The following PYGB variants were observed in gnomAD, a reference collection of about 807,000 sequenced individuals.
The protein encoded by PYGB is glycogen phosphorylase, brain form.
In PYGB, 82 loss-of-function variants were observed where a neutral mutation model predicts 94.3. The ratio of observed to expected loss-of-function variants is 0.87; its 90% CI spans 0.73 to 1.04. The LOEUF (loss-of-function observed/expected upper bound fraction) is 1.04, where lower values mean the gene tolerates loss of function less well. Ranked by LOEUF, PYGB falls within the 50% of genes least tolerant of loss-of-function variation. The pLI, the probability that PYGB is intolerant of heterozygous loss-of-function variation, is 0.00. For missense variants in PYGB, 1,132 were observed against 1,158.2 expected (o/e 0.98, Z 0.33); for synonymous variants, 488 against 479.1 (o/e 1.02, Z -0.24).
At chr20:25,259,168 G>C in intron 1 of PYGB, 69 bp from the exon 2 acceptor site, 1 of 1,352,430 alleles carries the variant, frequency 7.4e-7, no homozygotes, top group Non-Finnish European at 1.0e-6. Flanking sequence ...CATGGGTCGT[G>C]TCATCTCTGT....
At chr20:25,290,700 ATCC>A in intron 16 of PYGB, 78 bp downstream of exon 16, 1 of 1,548,482 alleles carries the variant, frequency 6.5e-7, no homozygotes, top group Non-Finnish European at 8.9e-7. Context: ...CGGGCCTTTC[ATCC>A]TCAGCCAGTT....
At chr20:25,282,632 A>G (rs1293871750) in intron 12 of PYGB, among the ~76,000 whole-genome samples, 1 of 152,310 alleles carries the variant, frequency 6.6e-6, no homozygotes, top group East Asian at 1.9e-4. Context: ...AGAGGGAATG[A>G]AGAGAGAGTG....
Position 25,277,332 on chromosome 20 carries a change from T to C in PYGB, c.855+6T>C. 1.3e-6 allele frequency: 2 copies of C among 1,552,014 alleles called. No individual in the cohort carries two copies. The highest frequency in any genetic ancestry group is 1.8e-6 in the Non-Finnish European group (2 of 1,123,722). ...TCCTGTATCCAAATGATAACGTGAG[T>C]AGCTGGCCTGGGCACTCTTGCTCAG... On this transcript the variant is annotated splice_donor_region_variant and intron_variant, in intron 7 of 19. Coordinates refer to ENST00000216962, the MANE Select transcript of PYGB (RefSeq NM_002862.4).
At chr20:25,271,102 G>A (rs1377210936) in intron 3 of PYGB, among the ~76,000 whole-genome samples, 1 of 152,150 alleles carries the variant, frequency 6.6e-6, no homozygotes, top group Non-Finnish European at 1.5e-5. Flanking sequence ...GGGGCAGTGG[G>A]GGGCTTCGTG....
At position 25,296,267 on chromosome 20, in the gene PYGB, C is replaced by T. The variant is rs112184159; in HGVS notation, c.2380-103C>T. On this transcript the variant is annotated intron_variant, in intron 19 of 19. Transcript: ENST00000216962. The stretch of plus-strand genomic sequence containing the variant: ...CCTCTTCCAGCGGATGGCCCCAAGG[C>T]TCGGAGCTCATTTGGAAACAGTCCT... The T allele has an allele frequency of 2.5e-4, 356 of 1,425,142 alleles. 1 individual carries two copies. The African/African-American group carries it at 4.3e-3, about 17-fold the overall frequency. The allele number at this position is 1,425,142 out of a possible 1,614,324, so 88.3% of individuals were successfully genotyped here. A position where few individuals can be genotyped will look rare whatever the true frequency, so the allele number is the denominator to read the frequency against.
At chr20:25,273,847 A>G (rs2088287558) in intron 4 of PYGB, among the ~76,000 whole-genome samples, 1 of 151,920 alleles carries the variant, frequency 6.6e-6, no homozygotes, top group Admixed American at 6.6e-5. Flanking sequence ...TTTTAATTTT[A>G]ATTTAATAAT....
chr20:25,274,602 C>G lies in PYGB; in HGVS notation c.539C>G (p.Ala180Gly), dbSNP rs2088294062. Residue 180 changes from alanine (A) to glycine (G), a missense_variant, in exon 5 of 20, where the codon GCC becomes GGC. By Grantham distance (60) the Ala-to-Gly change is moderately conservative. Coordinates refer to ENST00000216962, the MANE Select transcript of PYGB (RefSeq NM_002862.4). ...CTGGCTTCTTTCCAGGTAGAGGAGG[C>G]CGATGACTGGCTGCGCTACGGCAAC... is the stretch of plus-strand genomic sequence containing the variant. ...KIVNGWQVEE[A>G]DDWLRYGNPW... 1 of 1,613,046 alleles carries G rather than the reference C, an allele frequency of 6.2e-7. No individual in the cohort carries two copies. The highest frequency in any genetic ancestry group is 1.3e-5 in the African/African-American group (1 of 74,914).
At chr20:25,250,991 TA>T (rs2092886245) in intron 1 of PYGB, 1 of 152,232 alleles carries the variant, frequency 6.6e-6, no homozygotes, top group Non-Finnish European at 1.5e-5. Context: ...ATACATAAAA[TA>T]ACATTATACT....
chr20:25,276,672 C>G lies in PYGB; in HGVS notation c.687C>G (p.Thr229=). 1 of 1,613,852 alleles carries G rather than the reference C, an allele frequency of 6.2e-7. No homozygotes were observed. The highest frequency in any genetic ancestry group is 1.1e-5 in the South Asian group (1 of 91,090). The stretch of plus-strand genomic sequence containing the variant: ...TGGTGCTGGCCATGCCCTACGACAC[C>G]CCAGTGCCCGGCTACAAGAACAACA... ...TQVVLAMPYD[T]PVPGYKNNTV... is the part of the protein sequence containing the mutation. The change falls in exon 6 of 20, where the codon ACC becomes ACG. Residue 229 remains threonine, a synonymous_variant. Transcript: ENST00000216962.
At chr20:25,295,455 T>G in intron 18 of PYGB, 149 bp from the exon 19 acceptor site, 3 of 826,146 alleles carry the variant, frequency 3.6e-6, no homozygotes, top group Non-Finnish European at 6.0e-6. Context: ...TGGTGCAGCC[T>G]GGCTCTGACC....
At chr20:25,268,465 A>G (rs2088238911) in intron 2 of PYGB, among the ~76,000 whole-genome samples, 1 of 151,732 alleles carries the variant, frequency 6.6e-6, no homozygotes, top group East Asian at 1.9e-4. Context: ...ATGAATTCAT[A>G]TGTATACTTT....
chr20:25,269,025 T>G lies in PYGB; in HGVS notation c.346-104T>G, dbSNP rs1468903416. On this transcript the variant is annotated intron_variant, in intron 2 of 19. Transcript: ENST00000216962. Reference sequence around the variant, plus strand: ...TTTTCAAGTCTAACAGAACCCAGACTCTAACTTTTAGCATAAGCTCACAAG... The same window carrying G: ...TTTTCAAGTCTAACAGAACCCAGACGCTAACTTTTAGCATAAGCTCACAAG... 5.0e-6 allele frequency: 5 copies of G among 1,001,036 alleles called. No homozygotes were observed. In the African/African-American group the frequency reaches 7.9e-5, roughly 16 times the overall value. 62.0% of individuals were successfully genotyped at this position (1,001,036 alleles called of 1,614,324 possible).
intron 2 of PYGB, among the ~76,000 whole-genome samples, chr20:25,262,804 G>A (rs2092916602): frequency 6.6e-6 from 1 of 152,068 alleles, no homozygotes; most frequent in South Asian, 2.1e-4. Context: ...AAAAAAAGCA[G>A]GGGTTGCAAT....
In PYGB at chr20:25,276,669, C is replaced by T. The variant is rs1359851506; in HGVS notation, c.684C>T (p.Asp228=). The T allele has an allele frequency of 1.2e-6, 2 of 1,613,740 alleles. No homozygotes were observed. Among genetic ancestry groups the T allele is most frequent in the African/African-American group, 1.3e-5 (1 of 74,886 alleles). ...AGGTGGTGCTGGCCATGCCCTACGA[C>T]ACCCCAGTGCCCGGCTACAAGAACA... ...DTQVVLAMPY[D]TPVPGYKNNT... is the part of the protein sequence containing the mutation. The change falls in exon 6 of 20, where the codon GAC becomes GAT. Residue 228 remains aspartate (D), a synonymous_variant. Transcript: ENST00000216962.
chr20:25,284,127 C>T lies in PYGB; in HGVS notation c.1644C>T (p.Ala548=). Residue 548 remains alanine, a synonymous_variant, in exon 14 of 20, where the codon GCC becomes GCT. Coordinates refer to ENST00000216962, the MANE Select transcript of PYGB (RefSeq NM_002862.4). ...AGGAGAACAAGCTCAAGTTCTCGGC[C>T]TTCCTGGAGAAGGAGTACAAGGTGA... ...VKQENKLKFS[A]FLEKEYKVKI... is the part of the protein sequence containing the mutation. The T allele has an allele frequency of 1.9e-6, 3 of 1,614,110 alleles. No homozygotes were observed. Among genetic ancestry groups the T allele is most frequent in the Non-Finnish European group, 2.5e-6 (3 of 1,179,970 alleles).
chr20:25,278,612 C>A lies in PYGB; in HGVS notation c.999+150C>A, dbSNP rs2088336536. ...TCGTCATTCTGGGCCAGGATCCCAC[C>A]TGGGCCCTCCCTTCCAGAACAAGGG... On this transcript the variant is annotated intron_variant, in intron 8 of 19. Transcript: ENST00000216962. 1.4e-5 allele frequency: 17 copies of A among 1,193,818 alleles called. No individual in the cohort carries two copies. The South Asian group carries it at 2.8e-4, about 19-fold the overall frequency. 74.0% of individuals were successfully genotyped at this position (1,193,818 alleles called of 1,614,324 possible). A position where few individuals can be genotyped will look rare whatever the true frequency, so the allele number is the denominator to read the frequency against.
intron 4 of PYGB, among the ~76,000 whole-genome samples, chr20:25,273,977 T>A (rs2088288637): frequency 1.3e-5 from 2 of 152,178 alleles, no homozygotes; most frequent in African/African-American, 4.8e-5. Context: ...CTTCCCAGAG[T>A]GCTGGGACTG....
intron 18 of PYGB, chr20:25,295,142 G>A: frequency 8.9e-7 from 1 of 1,129,630 alleles, no homozygotes; most frequent in South Asian, 1.2e-5. Flanking sequence ...TGGCATTTTT[G>A]TTCAGCACAT....
intron 2 of PYGB, among the ~76,000 whole-genome samples, chr20:25,267,399 G>A (rs548752474): frequency 3.3e-5 from 5 of 152,282 alleles, no homozygotes; most frequent in South Asian, 2.1e-4. Flanking sequence ...TCTAAAAGGC[G>A]AATTTTACGG....
Sources: allele counts gnomAD v4.1 joint callset (sites outside exome capture counted in the v4.1 genomes callset), GRCh38; gene constraint gnomAD v4.1.1; transcripts MANE v1.5; gene names NCBI Gene and HGNC (gene_info 2026-07-23, HGNC 2026-07-21).